Variants in PCDHGA4 observed in about 807,000 individuals in gnomAD.
The protein encoded by PCDHGA4 is protocadherin gamma subfamily A, 4, also known as protocadherin gamma-A4.
A neutral mutation model predicts 54.6 loss-of-function variants in PCDHGA4; 38 were observed. That is an observed-to-expected ratio of 0.70 (90% CI 0.54 to 0.91). The LOEUF is 0.91. Among genes scored for constraint, PCDHGA4 ranks in the 40% least tolerant of loss-of-function variants. PCDHGA4 has a pLI of 0.00. For synonymous variants in PCDHGA4, 511 were observed against 512.9 expected (o/e 1.00, Z 0.05); for missense variants, 1,298 against 1,220.9 (o/e 1.06, Z -0.94).
At chr5:141,499,300 C>G (rs2154592463) in intron 2 of PCDHGA4, among the ~76,000 whole-genome samples, 1 of 152,292 alleles carries the variant, frequency 6.6e-6, no homozygotes, top group South Asian at 2.1e-4. Context: ...ACTACCATCC[C>G]TCCTCTGAGA....
chr5:141,492,829 C>T (rs2099744241), intron 1 of PCDHGA4, among the ~76,000 whole-genome samples: 1 of 152,232 alleles, frequency 6.6e-6, no homozygotes, highest in Non-Finnish European at 1.5e-5. Context: ...CGGCCCCTTC[C>T]TCCCGCAGGA....
chr5:141,374,474 C>G (rs762306215), intron 1 of PCDHGA4: 1 of 1,612,258 alleles, frequency 6.2e-7, no homozygotes, highest in Middle Eastern at 1.7e-4. Context: ...TGACAATACA[C>G]CCCGATTCTT....
In PCDHGA4 at chr5:141,495,640, G is replaced by A. The variant is rs149177775; in HGVS notation, c.2573+775G>A. 1.2e-3 allele frequency among the ~76,000 whole-genome samples: 177 copies of A among 152,150 alleles called. 1 individual carries two copies. The highest frequency in any genetic ancestry group is 4.1e-3 in the African/African-American group (171 of 41,498). ...ACCTCAGCCTCAGTCCCTTTCATTT[G>A]TCTACTTGCATTGATCTGTGCCGCC... On this transcript the variant is annotated intron_variant, in intron 2 of 3. Transcript: ENST00000571252.
chr5:141,476,977 C>T lies in PCDHGA4; in HGVS notation c.2515-17830C>T, dbSNP rs141692339. 3,083 of 1,614,232 alleles carry T rather than the reference C, an allele frequency of 1.9e-3. 52 individuals carry two copies. The African/African-American group carries it at 0.034, about 18-fold the overall frequency. Reference sequence around the variant, plus strand: ...TTATTTACTCCTTCGGCAGCCACAACCGCGCCGGCGTGCGGCAACTATTCG... The same window carrying T: ...TTATTTACTCCTTCGGCAGCCACAATCGCGCCGGCGTGCGGCAACTATTCG... On this transcript the variant is annotated intron_variant, in intron 1 of 3. Coordinates refer to ENST00000571252, the MANE Select transcript of PCDHGA4 (RefSeq NM_018917.4). This position sits in a 1 kb window ranked among gnomAD's most constrained non-coding sequence, Gnocchi z 7.6.
intron 1 of PCDHGA4, chr5:141,441,337 T>A (rs980210130): frequency 6.6e-6 from 1 of 152,112 alleles, no homozygotes; most frequent in African/African-American, 2.4e-5. Flanking sequence ...CTCCAATAAT[T>A]AACTACATGC....
chr5:141,432,615 T>G lies in PCDHGA4; in HGVS notation c.2515-62192T>G. ...GCCAGCGAGCCGGGACTCTTCTCGG[T>G]GGGTCTGCACACGGGCGAGGTGCGC... On this transcript the variant is annotated intron_variant, in intron 1 of 3. Coordinates refer to ENST00000571252, the MANE Select transcript of PCDHGA4 (RefSeq NM_018917.4). The surrounding 1 kb of genome is among the most constrained non-coding windows in gnomAD (Gnocchi z 6.0). The G allele has an allele frequency of 2.5e-6, 4 of 1,613,820 alleles. No homozygotes were observed. The highest frequency in any genetic ancestry group is 1.1e-5 in the South Asian group (1 of 91,054).
At chr5:141,453,989 A>T (rs902043628) in intron 1 of PCDHGA4, among the ~76,000 whole-genome samples, 6 of 152,256 alleles carry the variant, frequency 3.9e-5, no homozygotes, top group African/African-American at 1.4e-4. Context: ...CCTTCCAGTG[A>T]TAAACCCACA....
intron 1 of PCDHGA4, chr5:141,419,261 G>A (rs758952830): frequency 1.3e-5 from 21 of 1,613,864 alleles, no homozygotes; most frequent in Non-Finnish European, 1.7e-5. Context: ...CAACCAGCCG[G>A]GTGCCTCCAT....
At chr5:141,441,635 G>T in intron 1 of PCDHGA4, 1 of 226,720 alleles carries the variant, frequency 4.4e-6, no homozygotes, top group Non-Finnish European at 8.9e-6. Flanking sequence ...TGGAGCCACA[G>T]GCGCTGTGAT....
rs538734954 is a variant in PCDHGA4 at position 141,494,863 on chromosome 5, C to T, written c.2571C>T (p.Ser857=). The change falls in exon 2 of 4, where the codon AGC becomes AGT. Residue 857 remains serine, a splice_region_variant and synonymous_variant. Coordinates refer to ENST00000571252, the MANE Select transcript of PCDHGA4 (RefSeq NM_018917.4). The part of the protein sequence containing the change: ...RFSQAQRPGT[S]GSQNGDDTGT... ...CTCAGGCCCAGAGACCCGGCACCAG[C>T]GGGTAGGTGACTGATTCTCCAGCCC... 2 of 1,614,118 alleles carry T rather than the reference C, an allele frequency of 1.2e-6. No individual in the cohort carries two copies. Among genetic ancestry groups the T allele is most frequent in the East Asian group, 2.2e-5 (1 of 44,874 alleles).
rs3749771 is a variant in PCDHGA4, at chr5:141,376,276, C to A, written c.2514+18655C>A. The A allele has an allele frequency of 5.9e-4, 946 of 1,614,240 alleles. 16 individuals are homozygous for A. The East Asian group carries it at 0.018, about 31-fold the overall frequency. The stretch of plus-strand genomic sequence containing the variant: ...GCCTGCTGCAGGCTTCGGGAGGTGG[C>A]TTAGCGAGCATGCCCGGCTCGCACT... On this transcript the variant is annotated intron_variant, in intron 1 of 3. Coordinates refer to ENST00000571252, the MANE Select transcript of PCDHGA4 (RefSeq NM_018917.4).
chr5:141,361,632 G>A, intron 1 of PCDHGA4: 2 of 1,613,910 alleles, frequency 1.2e-6, no homozygotes, highest in Non-Finnish European at 1.7e-6. Context: ...TGAAGCCGCG[G>A]GAGATTTTAT....
chr5:141,379,773 T>C (rs575153200), intron 1 of PCDHGA4: 2 of 152,144 alleles, frequency 1.3e-5, no homozygotes, highest in South Asian at 2.1e-4. Flanking sequence ...ATACAGATCA[T>C]TAATAATAAG....
chr5:141,461,216 T>C (rs1050704259), intron 1 of PCDHGA4, among the ~76,000 whole-genome samples: 2 of 152,168 alleles, frequency 1.3e-5, no homozygotes, highest in African/African-American at 4.8e-5. Flanking sequence ...ATCTCCATAC[T>C]GTTTTCCATA....
chr5:141,464,655 G>T (rs1326749316), intron 1 of PCDHGA4, among the ~76,000 whole-genome samples: 1 of 152,070 alleles, frequency 6.6e-6, no homozygotes. Flanking sequence ...TGGGTAAAAA[G>T]ATATCTCCAA....
At position 141,356,361 on chromosome 5, in the gene PCDHGA4, A is replaced by G; in HGVS notation, c.1254A>G (p.Pro418=). Residue 418 remains proline (P), a synonymous_variant, in exon 1 of 4, where the codon CCA becomes CCG. Transcript: ENST00000571252. Reference sequence around the variant, plus strand: ...ATGGCCTAGTCACATGTTCTATTCCAGATAATCTGCCATTCACACTTGAAA... The same window carrying G: ...ATGGCCTAGTCACATGTTCTATTCCGGATAATCTGCCATTCACACTTGAAA... ...GGNGLVTCSI[P]DNLPFTLEKT... 6.4e-7 allele frequency: 1 copy of G among 1,558,136 alleles called. No individual in the cohort carries two copies. The highest frequency in any genetic ancestry group is 8.7e-7 in the Non-Finnish European group (1 of 1,150,360).
intron 1 of PCDHGA4, chr5:141,362,564 T>C (rs754336087): frequency 6.2e-7 from 1 of 1,608,408 alleles, no homozygotes; most frequent in South Asian, 1.1e-5. Flanking sequence ...AAGGTGAGCT[T>C]TAATTAATTT....
intron 1 of PCDHGA4, chr5:141,410,784 G>T (rs1352997810): frequency 1.2e-6 from 1 of 817,034 alleles, no homozygotes; most frequent in Non-Finnish European, 1.7e-6. Context: ...CTATGTATTT[G>T]GTTCATAAGT....
At chr5:141,374,277 G>T in intron 1 of PCDHGA4, 2 of 1,613,958 alleles carry the variant, frequency 1.2e-6, no homozygotes, top group African/African-American at 1.3e-5. Context: ...CACGGAGTCC[G>T]CATCGTCTCC....
Sources: gnomAD v4.1 joint callset for allele counts (sites outside exome capture counted in the v4.1 genomes callset) on GRCh38, gnomAD v4.1.1 for gene constraint, Gnocchi (gnomAD v3.1) non-coding constraint, MANE v1.5 for transcripts, NCBI Gene and HGNC (gene_info 2026-07-23, HGNC 2026-07-21) for gene names.